The following PLXNA4 variants were observed in gnomAD, a reference collection of about 807,000 sequenced individuals.
The protein encoded by PLXNA4 is plexin A4, also known as plexin-A4.
Under a neutral mutation model 191.8 loss-of-function variants are expected in PLXNA4, and 44 were observed. The observed-to-expected ratio is 0.23, with a 90% CI of 0.18 to 0.29. The LOEUF (loss-of-function observed/expected upper bound fraction) is 0.29, where lower values mean the gene tolerates loss of function less well. Ranked by LOEUF, PLXNA4 falls within the 10% of genes least tolerant of loss-of-function variation. PLXNA4 has a pLI of 1.00. For synonymous variants in PLXNA4, 1,082 were observed against 1,009.5 expected (o/e 1.07, Z -1.36); for missense variants, 1,800 against 2,488.8 (o/e 0.72, Z 5.89).
chr7:132,365,460 C>G (rs1400982030), intron 3 of PLXNA4, among the ~76,000 whole-genome samples: 1 of 152,068 alleles, frequency 6.6e-6, no homozygotes, highest in Admixed American at 6.6e-5. Flanking sequence ...TTCAGCAAGA[C>G]CCTCCCCCTT....
At chr7:132,569,054 C>T (rs911719662) in intron 1 of PLXNA4, among the ~76,000 whole-genome samples, 9 of 152,238 alleles carry the variant, frequency 5.9e-5, no homozygotes, top group Non-Finnish European at 1.2e-4. Flanking sequence ...TATTCCCAAC[C>T]CCAAAGTGAG....
Position 132,418,963 on chromosome 7 carries a change from T to A in PLXNA4, c.1371+70329A>T, listed in dbSNP as rs570255435. Reference sequence around the variant, plus strand: ...TGTATCCGTGACACTTTTGGCAATATGTTTGTAAACACAGAGCCTTCTGGG... The same window carrying A: ...TGTATCCGTGACACTTTTGGCAATAAGTTTGTAAACACAGAGCCTTCTGGG... On this transcript the variant is annotated intron_variant, in intron 3 of 31. Coordinates refer to ENST00000321063, the MANE Select transcript of PLXNA4 (RefSeq NM_020911.2). 3.3e-5 allele frequency among the ~76,000 whole-genome samples: 5 copies of A among 152,338 alleles called. No individual in the cohort carries two copies. In the South Asian group the frequency reaches 1.0e-3, roughly 32 times the overall value.
At chr7:132,466,968 A>C (rs1174418202) in intron 3 of PLXNA4, among the ~76,000 whole-genome samples, 1 of 152,112 alleles carries the variant, frequency 6.6e-6, no homozygotes, top group African/African-American at 2.4e-5. Flanking sequence ...CTCTTAGAGA[A>C]GCTCCCATGG....
intron 2 of PLXNA4, among the ~76,000 whole-genome samples, chr7:132,607,259 T>C (rs1336308812): frequency 2.0e-5 from 3 of 152,204 alleles, no homozygotes; most frequent in African/African-American, 7.2e-5. Context: ...TTTCAAATTC[T>C]AGAGAAATTG....
intron 3 of PLXNA4, among the ~76,000 whole-genome samples, chr7:132,320,490 T>C (rs969759300): frequency 6.6e-6 from 1 of 152,172 alleles, no homozygotes; most frequent in Non-Finnish European, 1.5e-5. Flanking sequence ...TACAAAAAGG[T>C]CACATGCACA....
chr7:132,623,346 C>CAAA lies in PLXNA4; in HGVS notation c.-87+22579_-87+22581dup, dbSNP rs34787394. On this transcript the variant is annotated intron_variant, in intron 2 of 4. Coordinates refer to the PLXNA4 transcript ENST00000378539. ...GGGTGACAAGAGCAAAATTCCATCT[C>CAAA]AAAAAATAAAATAAAATAAAGAAAG... Among the ~76,000 whole-genome samples the CAAA allele has an allele frequency of 2.8e-3, 411 of 147,946 alleles. 2 individuals are homozygous for CAAA. The highest frequency in any genetic ancestry group is 9.1e-3 in the African/African-American group (361 of 39,660).
chr7:132,318,833 G>A (rs1802051454), intron 3 of PLXNA4, among the ~76,000 whole-genome samples: 1 of 152,114 alleles, frequency 6.6e-6, no homozygotes, highest in Admixed American at 6.5e-5. Flanking sequence ...GTAGGTATGT[G>A]TGTGCGCGGG....
At chr7:132,447,203 G>A (rs530960875) in intron 3 of PLXNA4, among the ~76,000 whole-genome samples, 11 of 152,226 alleles carry the variant, frequency 7.2e-5, no homozygotes, top group Admixed American at 4.6e-4. Flanking sequence ...ATGGAATAGC[G>A]CATCACCTGG....
At chr7:132,387,606 C>T (rs1805207040) in intron 3 of PLXNA4, among the ~76,000 whole-genome samples, 1 of 152,138 alleles carries the variant, frequency 6.6e-6, no homozygotes, top group Non-Finnish European at 1.5e-5. Flanking sequence ...CTTGCCAGAT[C>T]CAAAGGAAGC....
intron 3 of PLXNA4, among the ~76,000 whole-genome samples, chr7:132,415,834 C>T (rs1307783227): frequency 6.6e-6 from 1 of 152,102 alleles, no homozygotes; most frequent in Non-Finnish European, 1.5e-5. Flanking sequence ...AGTAAGTGGT[C>T]AAGGAGAATT....
At chr7:132,225,939 C>T (rs1425303504) in intron 8 of PLXNA4, among the ~76,000 whole-genome samples, 2 of 152,094 alleles carry the variant, frequency 1.3e-5, no homozygotes, top group Non-Finnish European at 2.9e-5. Context: ...CTTCTAGTCT[C>T]TTTCCATTAA....
At chr7:132,526,967 T>A (rs768478883) in intron 1 of PLXNA4, among the ~76,000 whole-genome samples, 1 of 152,172 alleles carries the variant, frequency 6.6e-6, no homozygotes, top group Non-Finnish European at 1.5e-5. Flanking sequence ...AAATAAACCA[T>A]AACTTGGAAA....
chr7:132,609,816 G>A (rs1010577575), intron 2 of PLXNA4, among the ~76,000 whole-genome samples: 24 of 152,196 alleles, frequency 1.6e-4, no homozygotes, highest in African/African-American at 5.3e-4. Context: ...CCTGTGGGCT[G>A]TAGAGCAGTA....
At chr7:132,288,734 G>A (rs1800774269) in intron 4 of PLXNA4, among the ~76,000 whole-genome samples, 1 of 152,152 alleles carries the variant, frequency 6.6e-6, no homozygotes. Context: ...ACCATCCAGT[G>A]CACCTTACAT....
At chr7:132,607,043 A>G (rs544639047) in intron 2 of PLXNA4, among the ~76,000 whole-genome samples, 2 of 152,360 alleles carry the variant, frequency 1.3e-5, no homozygotes, top group East Asian at 3.9e-4. Flanking sequence ...TGCTTTCTAA[A>G]TCACCAAATC....
rs753229765 is a variant in PLXNA4, at chr7:132,185,486, A to G, written c.2994-23T>C. The G allele has an allele frequency of 3.1e-6, 5 of 1,601,696 alleles. No individual in the cohort carries two copies. In the East Asian group the frequency reaches 1.1e-4, roughly 36 times the overall value. On this transcript the variant is annotated intron_variant, in intron 15 of 31. Transcript: ENST00000321063. ...CGCCTGGAGGGCAGGAAGACAGAGC[A>G]CTGGGCGCCTGGTGTTGAGGAGGAC... is the stretch of plus-strand genomic sequence containing the variant.
chr7:132,579,502 G>C (rs1029188272), upstream of PLXNA4, among the ~76,000 whole-genome samples: 1 of 151,238 alleles, frequency 6.6e-6, no homozygotes, highest in Non-Finnish European at 1.5e-5. Context: ...TTTCCTGATG[G>C]ATGGACGGGA....
At chr7:132,190,872 A>C (rs1342903212) in intron 14 of PLXNA4, among the ~76,000 whole-genome samples, 4 of 152,208 alleles carry the variant, frequency 2.6e-5, no homozygotes, top group Admixed American at 6.5e-5. Context: ...AGCAGGGCAC[A>C]AAGAGGAGCC....
chr7:132,412,111 T>C (rs905234707), intron 3 of PLXNA4, among the ~76,000 whole-genome samples: 2 of 152,182 alleles, frequency 1.3e-5, no homozygotes, highest in Non-Finnish European at 2.9e-5. Flanking sequence ...CCTCACATTC[T>C]TTAGGTCTCA....
Sources: gnomAD v4.1 joint callset for allele counts (sites outside exome capture counted in the v4.1 genomes callset) on GRCh38, gnomAD v4.1.1 for gene constraint, MANE v1.5 for transcripts, NCBI Gene and HGNC (gene_info 2026-07-23, HGNC 2026-07-21) for gene names.